Variants in FAM135B observed in about 807,000 individuals in gnomAD.
The protein encoded by FAM135B is family with sequence similarity 135 member B, also known as protein FAM135B.
FAM135B carries 43 observed loss-of-function variants against 127.7 expected under a neutral mutation model. That is an observed-to-expected ratio of 0.34 (90% CI 0.26 to 0.43). FAM135B has a LOEUF of 0.43. Among genes scored for constraint, FAM135B ranks in the 20% least tolerant of loss-of-function variants. The pLI, the probability that FAM135B is intolerant of heterozygous loss-of-function variation, is 1.00. For missense variants in FAM135B, 1,558 were observed against 1,725.6 expected (o/e 0.90, Z 1.72); for synonymous variants, 670 against 665.1 (o/e 1.01, Z -0.11).
chr8:138,246,518 CA>C (rs1189589386), intron 6 of FAM135B, among the ~76,000 whole-genome samples: 1 of 152,168 alleles, frequency 6.6e-6, no homozygotes, highest in African/African-American at 2.4e-5. Context: ...GTTGAGCCTG[CA>C]GGTGCACAGA....
At chr8:138,196,445 C>T (rs1816634221) in intron 8 of FAM135B, among the ~76,000 whole-genome samples, 1 of 152,332 alleles carries the variant, frequency 6.6e-6, no homozygotes, top group East Asian at 1.9e-4. Context: ...GTACCTACTC[C>T]TTTACTCTAC....
At chr8:138,316,228 C>G (rs1425519929) in intron 2 of FAM135B, among the ~76,000 whole-genome samples, 1 of 152,252 alleles carries the variant, frequency 6.6e-6, no homozygotes, top group Admixed American at 6.5e-5. Context: ...ACAATGAGGC[C>G]GGGCGCGGTG....
intron 5 of FAM135B, among the ~76,000 whole-genome samples, chr8:138,252,058 G>C (rs1389905543): frequency 6.6e-6 from 1 of 152,202 alleles, no homozygotes; most frequent in Non-Finnish European, 1.5e-5. Flanking sequence ...TTAGAGCTCA[G>C]GGTGACTCCA....
chr8:138,304,500 G>A (rs958105358), intron 3 of FAM135B, among the ~76,000 whole-genome samples: 1 of 152,228 alleles, frequency 6.6e-6, no homozygotes, highest in Non-Finnish European at 1.5e-5. Flanking sequence ...ACAGGGGCAG[G>A]AGACTGCCCT....
chr8:138,467,418 C>A (rs1837438866), intron 1 of FAM135B, among the ~76,000 whole-genome samples: 1 of 152,142 alleles, frequency 6.6e-6, no homozygotes, highest in Non-Finnish European at 1.5e-5. Context: ...GTTAAAAATT[C>A]ATTTCCTTTA....
chr8:138,425,311 A>G (rs1343589341), intron 1 of FAM135B: 3 of 152,220 alleles, frequency 2.0e-5, no homozygotes, highest in Admixed American at 1.3e-4. Context: ...CCAAAGTTCA[A>G]ACAGAGCAAA....
At position 138,141,109 on chromosome 8, in the gene FAM135B, G is replaced by T. The variant is rs1817102005; in HGVS notation, c.3790+89C>A. 7.8e-7 allele frequency: 1 copy of T among 1,274,996 alleles called. No individual in the cohort carries two copies. Among genetic ancestry groups the T allele is most frequent in the South Asian group, 1.4e-5 (1 of 73,434 alleles). 79.0% of individuals were successfully genotyped at this position (1,274,996 alleles called of 1,614,324 possible). Reference sequence around the variant, plus strand: ...CTTGGAAAAGACTGCACAGTCACAGGGTTCCAAGTGGAAGTACCTGTGCCC... The same window carrying T: ...CTTGGAAAAGACTGCACAGTCACAGTGTTCCAAGTGGAAGTACCTGTGCCC... On this transcript the variant is annotated intron_variant, in intron 17 of 19. Coordinates refer to ENST00000395297, the MANE Select transcript of FAM135B (RefSeq NM_015912.4). The surrounding 1 kb of genome is among the most constrained non-coding windows in gnomAD (Gnocchi z 4.7).
intron 1 of FAM135B, among the ~76,000 whole-genome samples, chr8:138,399,527 T>C (rs1368163728): frequency 1.3e-5 from 2 of 152,220 alleles, no homozygotes; most frequent in African/African-American, 4.8e-5. Context: ...TGGGTGGGTC[T>C]TGGGGCTTTA....
intron 9 of FAM135B, among the ~76,000 whole-genome samples, chr8:138,194,898 G>A (rs1816483665): frequency 6.6e-6 from 1 of 152,166 alleles, no homozygotes. Context: ...CCATGTCTGA[G>A]GCCATCTGTG....
intron 3 of FAM135B, among the ~76,000 whole-genome samples, chr8:138,301,739 A>G (rs1248468513): frequency 6.6e-6 from 1 of 152,238 alleles, no homozygotes; most frequent in Non-Finnish European, 1.5e-5. Context: ...TAAGTATCAA[A>G]AGAACAAAAA....
In FAM135B at chr8:138,196,162, A is replaced by G. The variant is rs1020033216; in HGVS notation, c.824-855T>C. ...AAATATGATGAGGGTGTGAATGAAC[A>G]AATAAATTCAGCTCCTTTGGATAAA... On this transcript the variant is annotated intron_variant, in intron 8 of 19. Transcript: ENST00000395297. Among the ~76,000 whole-genome samples, 56 of 152,252 alleles carry G rather than the reference A, an allele frequency of 3.7e-4. 1 individual carries two copies. Among genetic ancestry groups the G allele is most frequent in the Non-Finnish European group, 7.3e-5 (5 of 68,048 alleles).
chr8:138,446,473 C>G (rs1365473472), intron 1 of FAM135B, among the ~76,000 whole-genome samples: 1 of 152,116 alleles, frequency 6.6e-6, no homozygotes, highest in Non-Finnish European at 1.5e-5. Context: ...ACCAATGGAA[C>G]AGAACAGAGG....
chr8:138,360,772 T>C (rs1166290856), intron 2 of FAM135B, among the ~76,000 whole-genome samples: 3 of 152,166 alleles, frequency 2.0e-5, no homozygotes, highest in Non-Finnish European at 4.4e-5. Flanking sequence ...TTCTAGTACA[T>C]GATGAAGTTT....
At chr8:138,266,838 A>G (rs1822978947) in intron 3 of FAM135B, among the ~76,000 whole-genome samples, 1 of 149,776 alleles carries the variant, frequency 6.7e-6, no homozygotes. Context: ...ATATATACAT[A>G]CTAAAGTAAA....
intron 2 of FAM135B, among the ~76,000 whole-genome samples, chr8:138,316,411 G>A (rs895765160): frequency 5.3e-5 from 8 of 151,932 alleles, no homozygotes; most frequent in African/African-American, 1.7e-4. Flanking sequence ...GGAGAATGGC[G>A]TGAACCCGGA....
chr8:138,403,189 C>A (rs921730860), intron 1 of FAM135B, among the ~76,000 whole-genome samples: 14 of 152,162 alleles, frequency 9.2e-5, no homozygotes, highest in African/African-American at 3.4e-4. Context: ...GCAAAACATA[C>A]TGATGATCCA....
intron 2 of FAM135B, among the ~76,000 whole-genome samples, chr8:138,343,962 A>G (rs1606321): frequency 0.93 from 141,622 of 152,102 alleles, 66,300 homozygotes; most frequent in Non-Finnish European, 0.99. Context: ...CACCCAATGC[A>G]GATCTTCGAG....
chr8:138,418,289 G>C (rs1373659541), intron 1 of FAM135B, among the ~76,000 whole-genome samples: 1 of 152,140 alleles, frequency 6.6e-6, no homozygotes, highest in East Asian at 1.9e-4. Flanking sequence ...TTGGGAAAAT[G>C]AGGGATTATG....
At chr8:138,462,517 C>T (rs1264376514) in intron 1 of FAM135B, among the ~76,000 whole-genome samples, 1 of 152,106 alleles carries the variant, frequency 6.6e-6, no homozygotes, top group African/African-American at 2.4e-5. Flanking sequence ...AACTCTCACC[C>T]AGAGGGTGTG....
Sources: gnomAD v4.1 joint callset for allele counts (sites outside exome capture counted in the v4.1 genomes callset) on GRCh38, gnomAD v4.1.1 for gene constraint, Gnocchi (gnomAD v3.1) non-coding constraint, MANE v1.5 for transcripts, NCBI Gene and HGNC (gene_info 2026-07-23, HGNC 2026-07-21) for gene names.